AGTPBP1: variants seen among roughly 807,000 people sequenced by gnomAD.
The protein encoded by AGTPBP1 is ATP/GTP binding carboxypeptidase 1.
AGTPBP1 carries 70 observed loss-of-function variants against 143.9 expected under a neutral mutation model. That is an observed-to-expected ratio of 0.49 (90% CI 0.40 to 0.59). The LOEUF (loss-of-function observed/expected upper bound fraction) is 0.59. Ranked by LOEUF, AGTPBP1 falls within the 20% of genes least tolerant of loss-of-function variation. AGTPBP1 has a pLI of 0.00. For synonymous variants in AGTPBP1, 463 were observed against 500.2 expected (o/e 0.93, Z 0.99); for missense variants, 1,229 against 1,464.5 (o/e 0.84, Z 2.62).
In AGTPBP1 at chr9:85,561,927, G is replaced by A. The variant is rs150427934; in HGVS notation, c.3503+13388C>T. Among the ~76,000 whole-genome samples the A allele has an allele frequency of 8.5e-3, 1,292 of 151,394 alleles. 27 individuals are homozygous for A. Among genetic ancestry groups the A allele is most frequent in the African/African-American group, 0.03 (1,216 of 41,202 alleles). On this transcript the variant is annotated intron_variant, in intron 25 of 25. Transcript: ENST00000357081. ...GGCTCACTGCAACTTCCGCCTCCCG[G>A]GTTCAAGCAGTTCTCTGCTTCAGCC...
At chr9:85,666,825 C>A (rs1834161841) in intron 8 of AGTPBP1, among the ~76,000 whole-genome samples, 1 of 151,920 alleles carries the variant, frequency 6.6e-6, no homozygotes, top group Non-Finnish European at 1.5e-5. Context: ...GGAGAAACAG[C>A]AAATAAATAA....
chr9:85,599,167 G>A (rs1169944276), intron 17 of AGTPBP1, among the ~76,000 whole-genome samples: 1 of 140,580 alleles, frequency 7.1e-6, no homozygotes, highest in Non-Finnish European at 1.5e-5. Flanking sequence ...TAGGGAGCAG[G>A]TGAGAGAGGG....
chr9:85,734,373 G>A (rs1674615638), intron 1 of AGTPBP1, among the ~76,000 whole-genome samples: 1 of 150,890 alleles, frequency 6.6e-6, no homozygotes, highest in Admixed American at 6.6e-5. Context: ...TTCCAGAAAA[G>A]TGAAGAAGGA....
Position 85,612,816 on chromosome 9 carries a change from A to C in AGTPBP1, c.2335+6167T>G, listed in dbSNP as rs78502392. On this transcript the variant is annotated intron_variant, in intron 17 of 25. Coordinates refer to ENST00000357081, the MANE Select transcript of AGTPBP1 (RefSeq NM_001330701.2). Reference sequence around the variant, plus strand: ...GTAGAAGAACTGGAATGTGTGGAGAAAATAATCCCCACACATTTGGGCACA... The same window carrying C: ...GTAGAAGAACTGGAATGTGTGGAGACAATAATCCCCACACATTTGGGCACA... 7.0e-3 allele frequency among the ~76,000 whole-genome samples: 1,072 copies of C among 152,230 alleles called. 7 individuals carry two copies. The highest frequency in any genetic ancestry group is 7.0e-3 in the Non-Finnish European group (479 of 68,000).
intron 7 of AGTPBP1, among the ~76,000 whole-genome samples, chr9:85,672,017 A>G (rs1029751382): frequency 5.9e-5 from 9 of 151,466 alleles, no homozygotes; most frequent in African/African-American, 1.7e-4. Flanking sequence ...CCTCACTCCT[A>G]TCCTTTATAA....
upstream of AGTPBP1, chr9:85,742,034 T>C: frequency 1.7e-6 from 2 of 1,192,258 alleles, no homozygotes; most frequent in Non-Finnish European, 2.1e-6. Flanking sequence ...GCGCAGGGAG[T>C]GGGGGCGGGG....
At chr9:85,599,895 T>C (rs544441247) in intron 17 of AGTPBP1, among the ~76,000 whole-genome samples, 5 of 152,358 alleles carry the variant, frequency 3.3e-5, no homozygotes, top group Admixed American at 6.5e-5. Context: ...ATTAAGAGCA[T>C]GCAATCTGCA....
At chr9:85,599,782 T>C (rs1355408435) in intron 17 of AGTPBP1, among the ~76,000 whole-genome samples, 1 of 152,236 alleles carries the variant, frequency 6.6e-6, no homozygotes, top group Non-Finnish European at 1.5e-5. Context: ...ACAAACAATT[T>C]ACAGATTCTT....
At chr9:85,789,956 C>G in the AGTPBP1 span, among the ~76,000 whole-genome samples, 1 of 152,112 alleles carries the variant, frequency 6.6e-6, no homozygotes, top group Admixed American at 6.6e-5. Flanking sequence ...TCCTTAGGCA[C>G]CTACTCGTGA....
At chr9:85,698,944 C>T (rs145922244) in intron 2 of AGTPBP1, among the ~76,000 whole-genome samples, 1,592 of 151,804 alleles carry the variant, frequency 0.01, 28 homozygotes, top group African/African-American at 0.036. Context: ...CCACCCGCCT[C>T]GGCCTCCCAA....
At chr9:85,721,616 C>A (rs908581317) in intron 1 of AGTPBP1, among the ~76,000 whole-genome samples, 1 of 151,482 alleles carries the variant, frequency 6.6e-6, no homozygotes, top group African/African-American at 2.4e-5. Context: ...GGTCTTGACT[C>A]TTTATCCAAT....
the AGTPBP1 span, chr9:85,753,364 A>G: frequency 6.2e-7 from 1 of 1,614,010 alleles, no homozygotes; most frequent in South Asian, 1.1e-5. Flanking sequence ...GAGGACCTTG[A>G]TGCATGTAAC....
the AGTPBP1 span, among the ~76,000 whole-genome samples, chr9:85,773,213 C>T: frequency 1.0e-4 from 14 of 133,568 alleles, no homozygotes; most frequent in East Asian, 2.2e-4. Context: ...TGCAGTGAGC[C>T]GAGATTGCAC....
chr9:85,796,925 T>C, the AGTPBP1 span, among the ~76,000 whole-genome samples: 2 of 152,086 alleles, frequency 1.3e-5, no homozygotes, highest in Non-Finnish European at 2.9e-5. Flanking sequence ...TAGCTGGGAC[T>C]ACAGGTGCCC....
At chr9:85,796,987 G>A in the AGTPBP1 span, among the ~76,000 whole-genome samples, 4 of 151,804 alleles carry the variant, frequency 2.6e-5, no homozygotes, top group South Asian at 4.2e-4. Flanking sequence ...GGGTTTCACC[G>A]TGTTAGCCAG....
intron 25 of AGTPBP1, 69 bp from the exon 26 acceptor site, chr9:85,547,355 AC>A: frequency 7.8e-7 from 1 of 1,275,452 alleles, no homozygotes; most frequent in South Asian, 2.0e-5. Context: ...AGATTATTTC[AC>A]CATACTGGAC....
At chr9:85,674,454 T>C (rs1834697140) in intron 6 of AGTPBP1, among the ~76,000 whole-genome samples, 1 of 152,090 alleles carries the variant, frequency 6.6e-6, no homozygotes, top group South Asian at 2.1e-4. Context: ...GATAACCTAG[T>C]TCTAATTAGA....
chr9:85,713,685 G>A (rs1837524866), intron 1 of AGTPBP1, among the ~76,000 whole-genome samples: 1 of 152,186 alleles, frequency 6.6e-6, no homozygotes, highest in South Asian at 2.1e-4. Context: ...TGATGAAGTA[G>A]AAGATATTCT....
At chr9:85,770,095 G>A in the AGTPBP1 span, among the ~76,000 whole-genome samples, 2 of 151,128 alleles carry the variant, frequency 1.3e-5, no homozygotes, top group Non-Finnish European at 1.5e-5. Flanking sequence ...GTGTGTATGT[G>A]TATGTATACA....
Sources: gnomAD v4.1 joint callset for allele counts (sites outside exome capture counted in the v4.1 genomes callset) on GRCh38, gnomAD v4.1.1 for gene constraint, MANE v1.5 for transcripts, NCBI Gene and HGNC (gene_info 2026-07-23, HGNC 2026-07-21) for gene names.